The following SLC5A6 variants were observed in gnomAD, a reference collection of about 807,000 sequenced individuals.
The protein encoded by SLC5A6 is sodium-dependent multivitamin transporter.
In SLC5A6, 31 loss-of-function variants were observed where a neutral mutation model predicts 67.9. The ratio of observed to expected loss-of-function variants is 0.46; its 90% CI spans 0.34 to 0.62. The LOEUF (loss-of-function observed/expected upper bound fraction) is 0.62. Among genes scored for constraint, SLC5A6 ranks in the 20% least tolerant of loss-of-function variants. The pLI is 0.01. For missense variants in SLC5A6, 673 were observed against 812.8 expected, an observed-to-expected ratio of 0.83 and a Z score of 2.09; for synonymous variants, 343 against 331.0, an observed-to-expected ratio of 1.04 and a Z score of -0.39.
At chr2:27,203,132 G>A (rs1673781666) in intron 11 of SLC5A6, 101 bp downstream of exon 11, 1 of 1,570,884 alleles carries the variant, frequency 6.4e-7, no homozygotes, top group Non-Finnish European at 8.6e-7. Context: ...GGCAAGTGCT[G>A]AGCCCCGGAT....
intron 8 of SLC5A6, 26 bp from the exon 9 acceptor site, chr2:27,204,616 G>T: frequency 6.2e-7 from 1 of 1,612,606 alleles, no homozygotes; most frequent in South Asian, 1.1e-5. Context: ...GTGCCAGGAG[G>T]AGAGCCGGCG....
chr2:27,210,708 C>T (rs966823748), intron 2 of SLC5A6, among the ~76,000 whole-genome samples: 18 of 150,430 alleles, frequency 1.2e-4, no homozygotes, highest in Non-Finnish European at 2.7e-4. Flanking sequence ...GGATCGGTGG[C>T]CTGGCCACCG....
chr2:27,206,812 C>T, intron 4 of SLC5A6, 65 bp downstream of exon 4: 2 of 1,246,816 alleles, frequency 1.6e-6, no homozygotes, highest in Admixed American at 1.7e-5. Flanking sequence ...CCAATTCCCT[C>T]AGCATGCTTG....
intron 2 of SLC5A6, among the ~76,000 whole-genome samples, chr2:27,211,002 C>T (rs1455350807): frequency 1.3e-5 from 2 of 151,968 alleles, no homozygotes; most frequent in South Asian, 4.1e-4. Context: ...CCAGCCTGGG[C>T]GACAGAGCGA....
At chr2:27,203,466 A>G in intron 10 of SLC5A6, 121 bp from the exon 11 acceptor site, 2 of 851,364 alleles carry the variant, frequency 2.3e-6, no homozygotes, top group Non-Finnish European at 3.7e-6. Flanking sequence ...AAACCTCCTC[A>G]TAGTTGGACT....
At chr2:27,201,572 G>A in intron 14 of SLC5A6, 94 bp downstream of exon 14, 1 of 1,392,184 alleles carries the variant, frequency 7.2e-7, no homozygotes, top group Non-Finnish European at 1.0e-6. Context: ...ACATTTCCCT[G>A]GGGCCTCTGG....
Position 27,202,335 on chromosome 2 carries a change from C to T in SLC5A6, c.1276-261G>A, listed in dbSNP as rs71441061. Among the ~76,000 whole-genome samples, 203 of 152,042 alleles carry T rather than the reference C, an allele frequency of 1.3e-3. 1 individual carries two copies. Among genetic ancestry groups the T allele is most frequent in the Non-Finnish European group, 1.5e-4 (10 of 67,978 alleles). ...TGGCCAACATGGTAAAACCCCGTCTCTACTACAAATACAAAAATTAGCCAG... is the reference window on the plus strand; with the variant it reads ...TGGCCAACATGGTAAAACCCCGTCTTTACTACAAATACAAAAATTAGCCAG... On this transcript the variant is annotated intron_variant, in intron 12 of 16. Coordinates refer to ENST00000310574, the MANE Select transcript of SLC5A6 (RefSeq NM_021095.4).
chr2:27,202,948 G>A (rs1027740933), intron 11 of SLC5A6, 68 bp from the exon 12 acceptor site: 3 of 1,590,910 alleles, frequency 1.9e-6, no homozygotes, highest in African/African-American at 1.4e-5. Flanking sequence ...GTAAAGCAAG[G>A]CTCCCTGCCC....
chr2:27,201,479 T>C, intron 14 of SLC5A6, 26 bp from the exon 15 acceptor site: 8 of 1,527,508 alleles, frequency 5.2e-6, no homozygotes, highest in Non-Finnish European at 7.3e-6. Context: ...GTGAGAACAA[T>C]TAGCAATTCG....
Position 27,212,077 on chromosome 2 carries a change from C to G in SLC5A6, c.-265G>C. On this transcript the variant is annotated 5_prime_UTR_variant, in exon 1 of 17. Transcript: ENST00000310574. ...AAGCCGCGACCTCGGCGTCCGGACG[C>G]GGGGAACACCGGGCTGAGGGAGTCT... 2 of 1,294,830 alleles carry G rather than the reference C, an allele frequency of 1.5e-6. No individual in the cohort carries two copies. Among genetic ancestry groups the G allele is most frequent in the Non-Finnish European group, 2.1e-6 (2 of 968,500 alleles). The allele number at this position is 1,294,830 out of a possible 1,614,324, so 80.2% of individuals were successfully genotyped here.
chr2:27,212,441 G>A (rs1674616207), upstream of SLC5A6: 1 of 1,561,972 alleles, frequency 6.4e-7, no homozygotes, highest in Non-Finnish European at 8.7e-7. Context: ...CGCTCTGGGC[G>A]TGGAAAGGGC....
chr2:27,204,866 A>T lies in SLC5A6; in HGVS notation c.800T>A (p.Met267Lys), dbSNP rs776838128. The T allele has an allele frequency of 6.2e-7, 1 of 1,614,060 alleles. No homozygotes were observed. The highest frequency in any genetic ancestry group is 1.3e-5 in the African/African-American group (1 of 74,932). The change falls in exon 8 of 17, where the codon ATG becomes AAG. Residue 267 changes from methionine to lysine, a missense_variant. Met to Lys is a moderately conservative substitution (Grantham distance 95). Transcript: ENST00000310574. ...CTGGTTCACCCCGTATAAGGAGAGC[A>T]TCATGAAGACACCCCCGAAGGCCAA... Reference protein sequence around the residue: ...WTLAFGGVFMMLSLYGVNQAQ... With the variant: ...WTLAFGGVFMKLSLYGVNQAQ...
At chr2:27,210,387 T>C (rs190547754) in intron 2 of SLC5A6, among the ~76,000 whole-genome samples, 3 of 151,960 alleles carry the variant, frequency 2.0e-5, no homozygotes, top group East Asian at 1.9e-4. Context: ...GTTGTTTCAC[T>C]ACAACTATAA....
upstream of SLC5A6, chr2:27,212,332 G>C: frequency 1.9e-6 from 3 of 1,549,426 alleles, no homozygotes; most frequent in Non-Finnish European, 2.6e-6. Context: ...CCGCGGGGCC[G>C]GGTCGCGCGA....
chr2:27,212,667 C>G (rs1023500601), upstream of SLC5A6: 15 of 1,379,658 alleles, frequency 1.1e-5, no homozygotes, highest in African/African-American at 1.5e-5. Flanking sequence ...TGCCGACTTT[C>G]AAAGACCTGT....
At chr2:27,206,555 G>A in intron 4 of SLC5A6, 21 bp from the exon 5 acceptor site, 3 of 1,611,240 alleles carry the variant, frequency 1.9e-6, no homozygotes, top group Non-Finnish European at 2.5e-6. Flanking sequence ...TGGAAAAAAT[G>A]TGATGGGGGC....
intron 10 of SLC5A6, 33 bp from the exon 11 acceptor site, chr2:27,203,378 G>A (rs367991084): frequency 2.7e-5 from 43 of 1,602,944 alleles, no homozygotes; most frequent in Middle Eastern, 1.6e-4. Flanking sequence ...GGAGTTGAGC[G>A]AGGCAAAATT....
chr2:27,210,153 G>A (rs962839800), intron 2 of SLC5A6, among the ~76,000 whole-genome samples: 1 of 152,174 alleles, frequency 6.6e-6, no homozygotes, highest in African/African-American at 2.4e-5. Context: ...CAGAAATAAA[G>A]ACACTCTGCT....
intron 12 of SLC5A6, among the ~76,000 whole-genome samples, chr2:27,202,508 A>AAAAAAAG (rs1236445476): frequency 6.8e-6 from 1 of 147,632 alleles, no homozygotes; most frequent in East Asian, 1.9e-4. Flanking sequence ...TGTCTCAAAA[A>AAAAAAAG]AAAAAAAAAA....
Sources: allele counts gnomAD v4.1 joint callset (sites outside exome capture counted in the v4.1 genomes callset), GRCh38; gene constraint gnomAD v4.1.1; transcripts MANE v1.5; gene names NCBI Gene and HGNC (gene_info 2026-07-23, HGNC 2026-07-21).